Variants in GALNT17 observed in about 807,000 individuals in gnomAD.
GALNT17 encodes the protein UDP-GalNAc:polypeptide N-acetylgalactosaminyltransferase-like 3.
GALNT17 carries 29 observed loss-of-function variants against 63.7 expected under a neutral mutation model. The ratio of observed to expected loss-of-function variants is 0.46; its 90% CI spans 0.34 to 0.62. The LOEUF is 0.62. Among genes scored for constraint, GALNT17 ranks in the 20% least tolerant of loss-of-function variants. The pLI, the probability that GALNT17 is intolerant of heterozygous loss-of-function variation, is 0.01. For missense variants in GALNT17, 603 were observed against 799.6 expected, an observed-to-expected ratio of 0.75 and a Z score of 2.97; for synonymous variants, 305 against 318.3, an observed-to-expected ratio of 0.96 and a Z score of 0.45.
chr7:71,622,565 T>A (rs1468772849), intron 6 of GALNT17, among the ~76,000 whole-genome samples: 1 of 152,152 alleles, frequency 6.6e-6, no homozygotes, highest in Admixed American at 6.5e-5. Flanking sequence ...ACCTTGCCCA[T>A]GACAACATGA....
intron 6 of GALNT17, among the ~76,000 whole-genome samples, chr7:71,649,644 CAT>C (rs1281878158): frequency 1.0e-4 from 15 of 149,566 alleles, no homozygotes; most frequent in African/African-American, 1.7e-4. Flanking sequence ...CACACACACA[CAT>C]ACACACCTTA....
At chr7:71,314,508 C>CA (rs1480697380) in intron 1 of GALNT17, among the ~76,000 whole-genome samples, 1 of 152,158 alleles carries the variant, frequency 6.6e-6, no homozygotes, top group Non-Finnish European at 1.5e-5. Flanking sequence ...GCGTGATGGT[C>CA]ATATAACTTG....
At chr7:71,497,365 G>A (rs73367549) in intron 5 of GALNT17, among the ~76,000 whole-genome samples, 3,190 of 152,190 alleles carry the variant, frequency 0.021, 119 homozygotes, top group African/African-American at 0.072. Flanking sequence ...AGCAGCGTTG[G>A]TTCTTTCTGA....
At chr7:71,550,484 A>G (rs955646103) in intron 5 of GALNT17, among the ~76,000 whole-genome samples, 10 of 152,042 alleles carry the variant, frequency 6.6e-5, no homozygotes, top group Non-Finnish European at 1.2e-4. Context: ...GGGTTCAAGC[A>G]ATTCTCCTGC....
chr7:71,436,384 C>T (rs1786963594), intron 5 of GALNT17, among the ~76,000 whole-genome samples: 1 of 151,990 alleles, frequency 6.6e-6, no homozygotes, highest in African/African-American at 2.4e-5. Context: ...TAAACTTGTT[C>T]TATGGAGGAC....
intron 5 of GALNT17, among the ~76,000 whole-genome samples, chr7:71,503,227 T>G (rs183751091): frequency 2.0e-3 from 299 of 152,326 alleles, no homozygotes; most frequent in Non-Finnish European, 2.4e-3. Flanking sequence ...TGATCACTTC[T>G]ATGCATGAGT....
chr7:71,324,778 C>T (rs117752897), intron 1 of GALNT17, among the ~76,000 whole-genome samples: 2,349 of 152,028 alleles, frequency 0.015, 48 homozygotes, highest in East Asian at 0.1. Flanking sequence ...TATACACATA[C>T]GCATGTGAAT....
intron 1 of GALNT17, among the ~76,000 whole-genome samples, chr7:71,241,458 C>G (rs1332487446): frequency 6.6e-6 from 1 of 152,212 alleles, no homozygotes; most frequent in African/African-American, 2.4e-5. Flanking sequence ...TGAGTAGATC[C>G]TTTCCTCTAA....
rs961636427 is a variant in GALNT17 at position 71,219,248 on chromosome 7, A to G, written c.238+86208A>G. Among the ~76,000 whole-genome samples, 8 of 152,170 alleles carry G rather than the reference A, an allele frequency of 5.3e-5. No individual in the cohort carries two copies. In the South Asian group the frequency reaches 1.7e-3, roughly 32 times the overall value. On this transcript the variant is annotated intron_variant, in intron 1 of 10. Coordinates refer to ENST00000333538, the MANE Select transcript of GALNT17 (RefSeq NM_022479.3). ...GGGGGTGGAGTCAGATTCACACCCA[A>G]ACAATCTCTCCTGTCTACTGCATTG...
chr7:71,296,441 C>A (rs1362953018), intron 1 of GALNT17, among the ~76,000 whole-genome samples: 1 of 151,936 alleles, frequency 6.6e-6, no homozygotes, highest in African/African-American at 2.4e-5. Context: ...TGGGGCCAAC[C>A]CCGTCTCTAC....
At chr7:71,570,871 A>C (rs1168366063) in intron 5 of GALNT17, among the ~76,000 whole-genome samples, 1 of 152,086 alleles carries the variant, frequency 6.6e-6, no homozygotes, top group East Asian at 1.9e-4. Context: ...CCAGCTACTC[A>C]GGGGGTTGAG....
intron 1 of GALNT17, among the ~76,000 whole-genome samples, chr7:71,259,851 C>A (rs1033984009): frequency 6.6e-6 from 1 of 151,872 alleles, no homozygotes; most frequent in Admixed American, 6.6e-5. Context: ...CGGTGTTAGC[C>A]AGGATGGTCT....
At chr7:71,148,798 T>G (rs184916167) in intron 1 of GALNT17, among the ~76,000 whole-genome samples, 2 of 149,254 alleles carry the variant, frequency 1.3e-5, no homozygotes, top group African/African-American at 4.9e-5. Flanking sequence ...TACATAAAAA[T>G]GGAGTATCTT....
rs61737661 is a variant in GALNT17, at chr7:71,421,007, C to T, written c.864C>T (p.Tyr288=). Reference sequence around the variant, plus strand: ...AGGACAACTTTGAGGTGCAGCGGTACGAGAACTCGGCCCACGGGTACAGCT... The same window carrying T: ...AGGACAACTTTGAGGTGCAGCGGTATGAGAACTCGGCCCACGGGTACAGCT... ...IKQDNFEVQR[Y]ENSAHGYSWE... is the part of the protein sequence containing the mutation. The change falls in exon 5 of 11, where the codon TAC becomes TAT. Residue 288 remains tyrosine (Y), a synonymous_variant. Coordinates refer to ENST00000333538, the MANE Select transcript of GALNT17 (RefSeq NM_022479.3). 79,925 of 1,614,070 alleles carry T rather than the reference C, an allele frequency of 0.05. 3,278 individuals are homozygous for T. The highest frequency in any genetic ancestry group is 0.17 in the African/African-American group (13,084 of 74,954).
At chr7:71,168,300 G>A (rs1032915267) in intron 1 of GALNT17, among the ~76,000 whole-genome samples, 9 of 152,092 alleles carry the variant, frequency 5.9e-5, no homozygotes, top group Non-Finnish European at 7.4e-5. Flanking sequence ...TGGGCCGGGC[G>A]CGGTGGCTCA....
intron 6 of GALNT17, among the ~76,000 whole-genome samples, chr7:71,583,378 G>A (rs1027096522): frequency 5.9e-5 from 9 of 152,204 alleles, no homozygotes; most frequent in Non-Finnish European, 1.2e-4. Context: ...ACAGGCCTGA[G>A]CCACCACATC....
chr7:71,685,946 C>CTCTTTT (rs1347994922), intron 9 of GALNT17, among the ~76,000 whole-genome samples: 1 of 86,828 alleles, frequency 1.2e-5, no homozygotes, highest in African/African-American at 4.9e-5. Flanking sequence ...AAGGCAATTA[C>CTCTTTT]TATTTTTTTT....
chr7:71,652,282 C>T (rs1323821206), intron 6 of GALNT17, among the ~76,000 whole-genome samples: 4 of 152,010 alleles, frequency 2.6e-5, no homozygotes. Context: ...TGAGATATGT[C>T]TTGAGGTCCA....
chr7:71,450,455 T>G (rs1481393980), intron 5 of GALNT17, among the ~76,000 whole-genome samples: 1 of 152,216 alleles, frequency 6.6e-6, no homozygotes, highest in Non-Finnish European at 1.5e-5. Context: ...TAACCCTCAG[T>G]GGATTAGTGG....
Sources: gnomAD v4.1 joint callset for allele counts (sites outside exome capture counted in the v4.1 genomes callset) on GRCh38, gnomAD v4.1.1 for gene constraint, MANE v1.5 for transcripts, NCBI Gene and HGNC (gene_info 2026-07-23, HGNC 2026-07-21) for gene names.